LRRC1: variants seen among roughly 807,000 people sequenced by gnomAD.
LRRC1 encodes the protein leucine-rich repeat-containing protein 1.
Under a neutral mutation model 69.9 loss-of-function variants are expected in LRRC1, and 28 were observed. The observed-to-expected ratio is 0.40, with a 90% CI of 0.30 to 0.55. The LOEUF is 0.55. Among genes scored for constraint, LRRC1 ranks in the 20% least tolerant of loss-of-function variants. LRRC1 has a pLI of 0.47. For missense variants in LRRC1, 498 were observed against 609.0 expected, an observed-to-expected ratio of 0.82 and a Z score of 1.92; for synonymous variants, 236 against 240.2, an observed-to-expected ratio of 0.98 and a Z score of 0.16.
At chr6:53,801,668 T>C (rs979876308) in intron 1 of LRRC1, among the ~76,000 whole-genome samples, 1 of 152,092 alleles carries the variant, frequency 6.6e-6, no homozygotes, top group Non-Finnish European at 1.5e-5. Context: ...GTGAGAAAAC[T>C]GAGACCTAGA....
intron 2 of LRRC1, among the ~76,000 whole-genome samples, chr6:53,868,416 G>T (rs1330490374): frequency 6.6e-6 from 1 of 151,900 alleles, no homozygotes; most frequent in African/African-American, 2.4e-5. Context: ...GTAGAGATGG[G>T]GTTTCCCCAT....
intron 1 of LRRC1, among the ~76,000 whole-genome samples, chr6:53,838,941 T>A (rs1177951356): frequency 6.6e-6 from 1 of 152,342 alleles, no homozygotes; most frequent in African/African-American, 2.4e-5. Context: ...TGCTTTTTTC[T>A]TCTTTGTTCT....
intron 2 of LRRC1, among the ~76,000 whole-genome samples, chr6:53,859,104 A>G (rs1766412756): frequency 6.6e-6 from 1 of 152,226 alleles, no homozygotes; most frequent in Non-Finnish European, 1.5e-5. Flanking sequence ...ACACGGTCAT[A>G]TCCCTAGAGA....
chr6:53,844,948 T>C lies in LRRC1; in HGVS notation c.277+2721T>C, dbSNP rs539841704. On this transcript the variant is annotated intron_variant, in intron 2 of 13. Coordinates refer to ENST00000370888, the MANE Select transcript of LRRC1 (RefSeq NM_018214.5). ...GGCTGGGTGCGGTGGCTCACGCCTG[T>C]AATCCCGGCACTTTGGGAGGCCAAG... 9.8e-4 allele frequency among the ~76,000 whole-genome samples: 150 copies of C among 152,320 alleles called. 2 individuals carry two copies. In the Middle Eastern group the frequency reaches 0.014, roughly 14 times the overall value.
At chr6:53,831,643 A>G (rs78756606) in intron 1 of LRRC1, among the ~76,000 whole-genome samples, 1 of 152,056 alleles carries the variant, frequency 6.6e-6, no homozygotes, top group East Asian at 1.9e-4. Context: ...AGAGTAAGAG[A>G]TAAAGTCCTT....
At chr6:53,863,872 C>T (rs1241824127) in intron 2 of LRRC1, among the ~76,000 whole-genome samples, 2 of 152,142 alleles carry the variant, frequency 1.3e-5, no homozygotes, top group Non-Finnish European at 2.9e-5. Context: ...TCAGATTAAA[C>T]AACAGTCCTT....
intron 4 of LRRC1, among the ~76,000 whole-genome samples, chr6:53,890,003 C>T (rs888816202): frequency 6.6e-6 from 1 of 152,108 alleles, no homozygotes; most frequent in Admixed American, 6.5e-5. Flanking sequence ...CCAAAATGCT[C>T]AAGTGATGTA....
intron 11 of LRRC1, 21 bp from the exon 12 acceptor site, chr6:53,919,477 T>TTAA (rs371290750): frequency 0.3 from 354,530 of 1,192,526 alleles, 14,377 homozygotes; most frequent in Non-Finnish European, 0.31. Context: ...TCTCTTTTTT[T>TTAA]AAAAAAAAAA....
chr6:53,898,411 A>G (rs1767940693), intron 7 of LRRC1, among the ~76,000 whole-genome samples: 2 of 152,236 alleles, frequency 1.3e-5, no homozygotes, highest in Admixed American at 1.3e-4. Flanking sequence ...TGACATTATC[A>G]GGAAAGTAAT....
intron 2 of LRRC1, among the ~76,000 whole-genome samples, chr6:53,874,094 A>T (rs1016855214): frequency 6.6e-6 from 1 of 152,188 alleles, no homozygotes; most frequent in Non-Finnish European, 1.5e-5. Flanking sequence ...TTGCTTGTTT[A>T]TTCTTAAGCA....
chr6:53,830,388 C>T (rs575807484), intron 1 of LRRC1, among the ~76,000 whole-genome samples: 1 of 152,298 alleles, frequency 6.6e-6, no homozygotes, highest in African/African-American at 2.4e-5. Context: ...TACTAATGGT[C>T]TGCCTTGTTC....
At chr6:53,803,833 G>A (rs1489438222) in intron 1 of LRRC1, among the ~76,000 whole-genome samples, 1 of 152,178 alleles carries the variant, frequency 6.6e-6, no homozygotes, top group Non-Finnish European at 1.5e-5. Context: ...CCTTGATTGT[G>A]TGGCTGAATG....
chr6:53,915,057 C>A (rs2127441946), intron 11 of LRRC1, among the ~76,000 whole-genome samples: 1 of 152,266 alleles, frequency 6.6e-6, no homozygotes, highest in Non-Finnish European at 1.5e-5. Flanking sequence ...ATATCATAGG[C>A]TTCCTTGCCA....
rs150668395 is a variant in LRRC1 at position 53,823,146 on chromosome 6, T to C, written c.160-18964T>C. Reference sequence around the variant, plus strand: ...GGTCTGAGCCTTTCACTCAGACATGTCATTACCAGTCACAATGCTATTCTT... The same window carrying C: ...GGTCTGAGCCTTTCACTCAGACATGCCATTACCAGTCACAATGCTATTCTT... On this transcript the variant is annotated intron_variant, in intron 1 of 13. Coordinates refer to ENST00000370888, the MANE Select transcript of LRRC1 (RefSeq NM_018214.5). Among the ~76,000 whole-genome samples, 4 of 152,360 alleles carry C rather than the reference T, an allele frequency of 2.6e-5. No individual in the cohort carries two copies. In the East Asian group the frequency reaches 5.8e-4, roughly 22 times the overall value.
At chr6:53,911,798 CT>C (rs1768419622) in intron 10 of LRRC1, among the ~76,000 whole-genome samples, 1 of 152,194 alleles carries the variant, frequency 6.6e-6, no homozygotes, top group South Asian at 2.1e-4. Context: ...ATCAGAGACT[CT>C]AATAATATTG....
At chr6:53,869,129 G>T (rs530068801) in intron 2 of LRRC1, among the ~76,000 whole-genome samples, 14 of 152,184 alleles carry the variant, frequency 9.2e-5, no homozygotes, top group Non-Finnish European at 1.2e-4. Context: ...ATTTGATGGA[G>T]GACAAATTGA....
chr6:53,900,686 T>C (rs555983364), intron 8 of LRRC1, among the ~76,000 whole-genome samples: 1 of 152,330 alleles, frequency 6.6e-6, no homozygotes, highest in South Asian at 2.1e-4. Context: ...CCTTTTATCA[T>C]TCTGTGCTAT....
At chr6:53,857,359 A>C (rs181366434) in intron 2 of LRRC1, among the ~76,000 whole-genome samples, 19 of 152,348 alleles carry the variant, frequency 1.2e-4, no homozygotes, top group African/African-American at 4.3e-4. Flanking sequence ...GGAGCCAAGC[A>C]ACAGAACGAC....
intron 1 of LRRC1, among the ~76,000 whole-genome samples, chr6:53,826,165 G>A (rs748056043): frequency 6.7e-6 from 1 of 148,238 alleles, no homozygotes; most frequent in Non-Finnish European, 1.5e-5. Context: ...GCTTGCTGAG[G>A]CATGATCTTT....
Sources: gnomAD v4.1 joint callset for allele counts (sites outside exome capture counted in the v4.1 genomes callset) on GRCh38, gnomAD v4.1.1 for gene constraint, MANE v1.5 for transcripts, NCBI Gene and HGNC (gene_info 2026-07-23, HGNC 2026-07-21) for gene names.